GALNTL6: variants seen among roughly 807,000 people sequenced by gnomAD.
The protein encoded by GALNTL6 is polypeptide N-acetylgalactosaminyltransferase like 6, also known as polypeptide N-acetylgalactosaminyltransferase-like 6.
In GALNTL6, 46 loss-of-function variants were observed where a neutral mutation model predicts 73.7. That is an observed-to-expected ratio of 0.62 (90% CI 0.49 to 0.80). GALNTL6 has a LOEUF of 0.80. Among genes scored for constraint, GALNTL6 ranks in the 30% least tolerant of loss-of-function variants. GALNTL6 has a pLI of 0.00. For missense variants in GALNTL6, 604 were observed against 755.0 expected, an observed-to-expected ratio of 0.80 and a Z score of 2.34; for synonymous variants, 259 against 263.7, an observed-to-expected ratio of 0.98 and a Z score of 0.17.
At chr4:173,034,558 G>T (rs1398596553) in intron 12 of GALNTL6, among the ~76,000 whole-genome samples, 1 of 152,064 alleles carries the variant, frequency 6.6e-6, no homozygotes, top group East Asian at 1.9e-4. Context: ...AACCACCAGG[G>T]TGCATAGCTG....
chr4:172,061,972 G>T (rs1423504451), intron 2 of GALNTL6, among the ~76,000 whole-genome samples: 1 of 124,976 alleles, frequency 8.0e-6, no homozygotes, highest in Non-Finnish European at 1.6e-5. Flanking sequence ...TTTTGAGACA[G>T]AGTCTTGCTC....
At position 172,156,576 on chromosome 4, in the gene GALNTL6, A is replaced by G. The variant is rs548869084; in HGVS notation, c.139-73080A>G. On this transcript the variant is annotated intron_variant, in intron 2 of 12. Transcript: ENST00000506823. ...ATATATATATATATATACATACTAT[A>G]TATATATAGTATATTGTACTTCTCT... Among the ~76,000 whole-genome samples, 1,107 of 139,828 alleles carry G rather than the reference A, an allele frequency of 7.9e-3. 76 individuals are homozygous for G. The highest frequency in any genetic ancestry group is 0.029 in the African/African-American group (1,044 of 35,470). The allele number at this position is 139,828 out of a possible 152,430, so 91.7% of individuals were successfully genotyped here.
At chr4:172,090,058 C>A (rs1732157532) in intron 2 of GALNTL6, among the ~76,000 whole-genome samples, 1 of 152,154 alleles carries the variant, frequency 6.6e-6, no homozygotes, top group South Asian at 2.1e-4. Context: ...GCATAGTATT[C>A]CATGATTTAT....
At chr4:172,348,976 A>G (rs1309392273) in intron 5 of GALNTL6, among the ~76,000 whole-genome samples, 1 of 152,220 alleles carries the variant, frequency 6.6e-6, no homozygotes, top group East Asian at 1.9e-4. Flanking sequence ...CAGGACCAAC[A>G]CTGTAAAATA....
intron 5 of GALNTL6, among the ~76,000 whole-genome samples, chr4:172,713,221 G>GGTGTGTGTGT (rs1560898632): frequency 5.4e-5 from 4 of 74,272 alleles, no homozygotes; most frequent in African/African-American, 2.0e-4. Flanking sequence ...AAAAGAATAA[G>GGTGTGTGTGT]ATGTGTGTGT....
chr4:172,561,506 T>G (rs1736367306), intron 5 of GALNTL6, among the ~76,000 whole-genome samples: 1 of 152,172 alleles, frequency 6.6e-6, no homozygotes, highest in South Asian at 2.1e-4. Flanking sequence ...GTATTATTTG[T>G]TTTAATTATT....
intron 5 of GALNTL6, among the ~76,000 whole-genome samples, chr4:172,759,667 G>C (rs929933870): frequency 6.6e-6 from 1 of 152,106 alleles, no homozygotes; most frequent in Non-Finnish European, 1.5e-5. Context: ...ACATTATGCT[G>C]TCTCCCATGC....
chr4:172,676,744 A>G (rs1238241881), intron 5 of GALNTL6, among the ~76,000 whole-genome samples: 1 of 152,172 alleles, frequency 6.6e-6, no homozygotes, highest in African/African-American at 2.4e-5. Context: ...CATTTTTATA[A>G]CTTCAGTCAC....
chr4:171,885,413 A>C (rs985273741), intron 2 of GALNTL6, among the ~76,000 whole-genome samples: 1 of 152,180 alleles, frequency 6.6e-6, no homozygotes, highest in Admixed American at 6.5e-5. Context: ...TGTTTATACA[A>C]ATTCATTTGG....
intron 2 of GALNTL6, among the ~76,000 whole-genome samples, chr4:172,180,276 C>T (rs887918899): frequency 1.3e-5 from 2 of 152,088 alleles, no homozygotes; most frequent in African/African-American, 2.4e-5. Flanking sequence ...ATCCTTTGCC[C>T]ATGTTTTGAT....
intron 2 of GALNTL6, among the ~76,000 whole-genome samples, chr4:171,982,976 T>C (rs956275614): frequency 1.3e-5 from 2 of 152,194 alleles, no homozygotes; most frequent in South Asian, 4.1e-4. Flanking sequence ...TACAAGAATG[T>C]AACCATCTGC....
chr4:172,170,068 C>T (rs1236889573), intron 2 of GALNTL6, among the ~76,000 whole-genome samples: 1 of 152,208 alleles, frequency 6.6e-6, no homozygotes, highest in African/African-American at 2.4e-5. Flanking sequence ...CCATCATCTG[C>T]ACCTCTTCCC....
In GALNTL6 at chr4:172,871,862, CA is replaced by C. The variant is rs373473108; in HGVS notation, c.924-10925del. 2.8e-3 allele frequency among the ~76,000 whole-genome samples: 430 copies of C among 152,094 alleles called. 2 individuals are homozygous for C. The highest frequency in any genetic ancestry group is 0.01 in the Middle Eastern group (3 of 294). The stretch of plus-strand genomic sequence containing the variant: ...GTGATGGCGCGATCTTGGCTCACCA[CA>C]AACTCCTCCTCCCGGGTTCAAGTGA... On this transcript the variant is annotated intron_variant, in intron 7 of 12. Transcript: ENST00000506823.
At chr4:172,499,695 A>G (rs892016498) in intron 5 of GALNTL6, among the ~76,000 whole-genome samples, 1 of 152,212 alleles carries the variant, frequency 6.6e-6, no homozygotes, top group Non-Finnish European at 1.5e-5. Context: ...TTCACCTAAC[A>G]GTAAAGAGTT....
rs1054177398 is a variant in GALNTL6 at position 172,591,936 on chromosome 4, C to T, written c.554-217425C>T. 6.6e-5 allele frequency among the ~76,000 whole-genome samples: 10 copies of T among 152,252 alleles called. 1 individual carries two copies. The Middle Eastern group carries it at 0.01, about 155-fold the overall frequency. On this transcript the variant is annotated intron_variant, in intron 5 of 12. Transcript: ENST00000506823. The stretch of plus-strand genomic sequence containing the variant: ...AAACCCTACACTGCACAAGGAGGAG[C>T]AAAACTCTTTGGAGGCCAATTAGCA...
intron 7 of GALNTL6, among the ~76,000 whole-genome samples, chr4:172,839,194 G>A (rs2111077646): frequency 6.6e-6 from 1 of 152,318 alleles, no homozygotes; most frequent in African/African-American, 2.4e-5. Context: ...GCAGGTCTGA[G>A]CCGAAACCCA....
chr4:172,253,536 A>G (rs1442850619), intron 3 of GALNTL6, among the ~76,000 whole-genome samples: 1 of 151,960 alleles, frequency 6.6e-6, no homozygotes, highest in African/African-American at 2.4e-5. Flanking sequence ...AGGAGAAATG[A>G]CAATAGTGTG....
In GALNTL6 at chr4:172,788,398, C is replaced by T. The variant is rs552092698; in HGVS notation, c.554-20963C>T. Among the ~76,000 whole-genome samples, 6 of 152,030 alleles carry T rather than the reference C, an allele frequency of 3.9e-5. No homozygotes were observed. The South Asian group carries it at 1.0e-3, about 26-fold the overall frequency. ...AAAATAGATAGATAGATGGGCCGGG[C>T]GCGGTGGCTCACACCTGTAATCACA... is the stretch of plus-strand genomic sequence containing the variant. On this transcript the variant is annotated intron_variant, in intron 5 of 12. Transcript: ENST00000506823.
intron 2 of GALNTL6, among the ~76,000 whole-genome samples, chr4:172,071,795 A>G (rs1480938765): frequency 6.6e-6 from 1 of 152,180 alleles, no homozygotes; most frequent in African/African-American, 2.4e-5. Flanking sequence ...TGGAAAAAAG[A>G]AAGACTTCAG....
Sources: gnomAD v4.1 joint callset for allele counts (sites outside exome capture counted in the v4.1 genomes callset) on GRCh38, gnomAD v4.1.1 for gene constraint, MANE v1.5 for transcripts, NCBI Gene and HGNC (gene_info 2026-07-23, HGNC 2026-07-21) for gene names.